CADM2: variants seen among roughly 807,000 people sequenced by gnomAD.
CADM2 encodes immunoglobulin superfamily member 4D.
CADM2 carries 12 observed loss-of-function variants against 49.8 expected under a neutral mutation model. The ratio of observed to expected loss-of-function variants is 0.24; its 90% confidence interval spans 0.15 to 0.39. The LOEUF (loss-of-function observed/expected upper bound fraction) is 0.39, where lower values mean the gene tolerates loss of function less well. Ranked by LOEUF, CADM2 falls within the 10% of genes least tolerant of loss-of-function variation. The pLI, the probability that CADM2 is intolerant of heterozygous loss-of-function variation, is 1.00. For synonymous variants in CADM2, 214 were observed against 175.4 expected, an observed-to-expected ratio of 1.22 and a Z score of -1.74; for missense variants, 378 against 492.3, an observed-to-expected ratio of 0.77 and a Z score of 2.20.
intron 1 of CADM2, among the ~76,000 whole-genome samples, chr3:85,212,884 TTC>T (rs751474274): frequency 0.017 from 1,347 of 78,350 alleles, 67 homozygotes; most frequent in African/African-American, 0.066. Flanking sequence ...CTTTCTTTCT[TTC>T]TCTTTCTTTC....
chr3:85,383,158 A>G (rs2033999644), intron 1 of CADM2, among the ~76,000 whole-genome samples: 1 of 152,012 alleles, frequency 6.6e-6, no homozygotes, highest in Admixed American at 6.6e-5. Context: ...TCTCACTTCC[A>G]TCTTCTGTAT....
chr3:85,278,336 A>G (rs2106875948), intron 1 of CADM2, among the ~76,000 whole-genome samples: 1 of 151,472 alleles, frequency 6.6e-6, no homozygotes, highest in African/African-American at 2.4e-5. Flanking sequence ...AATAATCGTT[A>G]CATATAATGC....
At chr3:85,174,995 T>C (rs186125329) in intron 1 of CADM2, among the ~76,000 whole-genome samples, 418 of 152,230 alleles carry the variant, frequency 2.7e-3, no homozygotes, top group South Asian at 9.1e-3. Flanking sequence ...GAAGAAGATA[T>C]ACAAATGGAC....
At chr3:85,980,078 A>C (rs73134140) in intron 8 of CADM2, among the ~76,000 whole-genome samples, 3,199 of 151,584 alleles carry the variant, frequency 0.021, 64 homozygotes, top group Middle Eastern at 0.071. Context: ...CCATTATAGA[A>C]AAACATGGTT....
chr3:85,390,788 A>G (rs1274035614), intron 1 of CADM2, among the ~76,000 whole-genome samples: 1 of 152,056 alleles, frequency 6.6e-6, no homozygotes, highest in Non-Finnish European at 1.5e-5. Context: ...ATAATTTTTA[A>G]AAAGTCAGCC....
chr3:85,994,782 A>G (rs1240994570), intron 8 of CADM2: 1 of 152,146 alleles, frequency 6.6e-6, no homozygotes, highest in Non-Finnish European at 1.5e-5. Context: ...ACGTTTATCA[A>G]TTGTGTTTGC....
At chr3:85,738,436 T>G (rs879104717) in intron 2 of CADM2, among the ~76,000 whole-genome samples, 1 of 152,220 alleles carries the variant, frequency 6.6e-6, no homozygotes, top group African/African-American at 2.4e-5. Flanking sequence ...AGATAGGTTT[T>G]CAAACTCTTT....
At chr3:85,833,799 G>A (rs147657734) in intron 3 of CADM2, among the ~76,000 whole-genome samples, 6 of 151,664 alleles carry the variant, frequency 4.0e-5, no homozygotes, top group African/African-American at 1.4e-4. Flanking sequence ...CAGAAAACAT[G>A]ATGGTTCCAG....
intron 5 of CADM2, 30 bp downstream of exon 5, chr3:85,886,357 T>G (rs1190605694): frequency 6.5e-7 from 1 of 1,531,762 alleles, no homozygotes; most frequent in Non-Finnish European, 9.0e-7. Context: ...AAATCAAAAT[T>G]AATGTGCTGA....
At chr3:85,120,686 G>A (rs1167297315) in intron 1 of CADM2, among the ~76,000 whole-genome samples, 2 of 152,050 alleles carry the variant, frequency 1.3e-5, no homozygotes, top group Non-Finnish European at 1.5e-5. Context: ...GGGGGGTAGG[G>A]GGCCAGGGGA....
intron 1 of CADM2, among the ~76,000 whole-genome samples, chr3:85,435,233 G>T (rs1458808718): frequency 6.6e-6 from 1 of 151,836 alleles, no homozygotes; most frequent in Non-Finnish European, 1.5e-5. Flanking sequence ...TGTTCTCATT[G>T]TTCACCTCCC....
intron 2 of CADM2, among the ~76,000 whole-genome samples, chr3:85,775,550 C>T (rs144537741): frequency 7.3e-5 from 11 of 151,716 alleles, no homozygotes; most frequent in African/African-American, 1.7e-4. Flanking sequence ...TTAAGATAAT[C>T]GTTTGTACTC....
chr3:85,950,536 G>C (rs1231411291), intron 7 of CADM2, among the ~76,000 whole-genome samples: 1 of 151,004 alleles, frequency 6.6e-6, no homozygotes, highest in Non-Finnish European at 1.5e-5. Context: ...TACCTTATCA[G>C]TAAAAAGTAG....
At chr3:86,017,910 G>T (rs1383452294) in intron 8 of CADM2, among the ~76,000 whole-genome samples, 2 of 144,240 alleles carry the variant, frequency 1.4e-5, no homozygotes, top group Admixed American at 1.4e-4. Context: ...AAGTTTTAGG[G>T]TACATGTGCA....
At chr3:85,931,774 A>T (rs1559750014) in intron 6 of CADM2, among the ~76,000 whole-genome samples, 1 of 152,124 alleles carries the variant, frequency 6.6e-6, no homozygotes, top group Non-Finnish European at 1.5e-5. Context: ...GATAAAAATA[A>T]AATTGGCTGG....
At chr3:85,949,594 A>T (rs1458068164) in intron 7 of CADM2, among the ~76,000 whole-genome samples, 3 of 151,250 alleles carry the variant, frequency 2.0e-5, no homozygotes, top group East Asian at 1.9e-4. Flanking sequence ...TAAATGATTT[A>T]AAAAATACCT....
rs1272568847 is a variant in CADM2, at chr3:86,070,288, T to A, written c.*3505T>A. On this transcript the variant is annotated 3_prime_UTR_variant, in exon 10 of 10. Coordinates refer to ENST00000383699, the MANE Select transcript of CADM2 (RefSeq NM_001167675.2). ...AGGCTCATTTGTAATTATGTACTCA[T>A]GATTGTAACAGCATTGAGATTTCAT... is the stretch of plus-strand genomic sequence containing the variant. The A allele has an allele frequency of 6.6e-6, 1 of 151,996 alleles. No homozygotes were observed. Among genetic ancestry groups the A allele is most frequent in the Non-Finnish European group, 1.5e-5 (1 of 67,890 alleles). The allele number at this position is 151,996 out of a possible 1,614,324, so 9.4% of individuals were successfully genotyped here.
chr3:85,907,652 T>C (rs1716982405), intron 5 of CADM2, among the ~76,000 whole-genome samples: 1 of 152,164 alleles, frequency 6.6e-6, no homozygotes, highest in Non-Finnish European at 1.5e-5. Context: ...GGCTCACACC[T>C]ATAATCCTAG....
chr3:85,460,367 C>T (rs1477227633), intron 1 of CADM2, among the ~76,000 whole-genome samples: 4 of 152,056 alleles, frequency 2.6e-5, no homozygotes, highest in Non-Finnish European at 1.5e-5. Context: ...AAAAAATTTT[C>T]AGCTTACATA....
Sources: gnomAD v4.1 joint callset for allele counts (sites outside exome capture counted in the v4.1 genomes callset) on GRCh38, gnomAD v4.1.1 for gene constraint, MANE v1.5 for transcripts, NCBI Gene and HGNC (gene_info 2026-07-23, HGNC 2026-07-21) for gene names.